The following AGTR1 variants were observed in gnomAD, a reference collection of about 807,000 sequenced individuals.
The protein encoded by AGTR1 is type-1 angiotensin II receptor.
Under a neutral mutation model 19.4 loss-of-function variants are expected in AGTR1, and 16 were observed. That is an observed-to-expected ratio of 0.82 (90% CI 0.56 to 1.25). AGTR1 has a LOEUF of 1.25. AGTR1 is among the 50% of genes most tolerant of loss of function. The pLI, the probability that AGTR1 is intolerant of heterozygous loss-of-function variation, is 0.00. For missense variants in AGTR1, 373 were observed against 431.9 expected (o/e 0.86, Z 1.21); for synonymous variants, 153 against 154.9 (o/e 0.99, Z 0.09).
chr3:148,715,878 T>G (rs1005082504), intron 2 of AGTR1, among the ~76,000 whole-genome samples: 11 of 152,176 alleles, frequency 7.2e-5, no homozygotes, highest in African/African-American at 2.7e-4. Flanking sequence ...CCTGTGACTA[T>G]ATTAATTAAT....
rs550294760 is a variant in AGTR1 at position 148,711,623 on chromosome 3, A to G, written c.-48+3596A>G. ...ACATGTGTACTCCAAATAACCTACT[A>G]TTCACACAATTCTCAGTAACATTCT... On this transcript the variant is annotated intron_variant, in intron 2 of 2. Coordinates refer to ENST00000349243, the MANE Select transcript of AGTR1 (RefSeq NM_000685.5). Among the ~76,000 whole-genome samples, 3 of 152,266 alleles carry G rather than the reference A, an allele frequency of 2.0e-5. No individual in the cohort carries two copies. In the South Asian group the frequency reaches 6.2e-4, roughly 32 times the overall value.
intron 2 of AGTR1, chr3:148,730,085 G>A (rs1246794616): frequency 7.6e-6 from 3 of 393,082 alleles, no homozygotes; most frequent in African/African-American, 2.1e-5. Flanking sequence ...GATCTCATTC[G>A]GTGTTTCCAA....
intron 2 of AGTR1, among the ~76,000 whole-genome samples, chr3:148,723,573 C>T (rs759006755): frequency 6.6e-6 from 1 of 152,166 alleles, no homozygotes; most frequent in African/African-American, 2.4e-5. Context: ...GCAGCAACAG[C>T]TCTAAGAGAT....
At chr3:148,701,296 T>C in intron 1 of AGTR1, among the ~76,000 whole-genome samples, 1 of 152,184 alleles carries the variant, frequency 6.6e-6, no homozygotes, top group South Asian at 2.1e-4. Flanking sequence ...TTTGGAACAG[T>C]CATAAAAGGA....
intron 2 of AGTR1, among the ~76,000 whole-genome samples, chr3:148,727,077 T>G (rs1713991921): frequency 6.6e-6 from 1 of 152,244 alleles, no homozygotes; most frequent in Admixed American, 6.5e-5. Flanking sequence ...TTTCCCAGAA[T>G]TGTTTCTCCT....
chr3:148,699,874 T>C (rs12721246), intron 1 of AGTR1, among the ~76,000 whole-genome samples: 143 of 152,298 alleles, frequency 9.4e-4, no homozygotes, highest in African/African-American at 3.1e-3. Context: ...GGTTCTGCTC[T>C]TCTTTGACCT....
In AGTR1 at chr3:148,741,117, T is replaced by C. The variant is rs749536273; in HGVS notation, c.82T>C (p.Phe28Leu). The change falls in exon 3 of 3, where the codon TTT (phenylalanine) becomes CTT (leucine). Residue 28 changes from phenylalanine to leucine, a missense_variant. By Grantham distance (22) the Phe-to-Leu change is conservative. Transcript: ENST00000349243. ...CAAAGCTGGAAGGCATAATTACATA[T>C]TTGTCATGATTCCTACTTTATACAG... ...CPKAGRHNYI[F>L]VMIPTLYSII... The C allele has an allele frequency of 6.2e-7, 1 of 1,614,172 alleles. No individual in the cohort carries two copies. The highest frequency in any genetic ancestry group is 8.5e-7 in the Non-Finnish European group (1 of 1,180,018).
At position 148,741,453 on chromosome 3, in the gene AGTR1, C is replaced by T. The variant is rs763952495; in HGVS notation, c.418C>T (p.Arg140Cys). 1.5e-5 allele frequency: 24 copies of T among 1,610,816 alleles called. No individual in the cohort carries two copies. The highest frequency in any genetic ancestry group is 1.7e-5 in the Non-Finnish European group (20 of 1,179,912). Reference sequence around the variant, plus strand: ...TCACCCAATGAAGTCCCGCCTTCGACGCACAATGCTTGTAGCCAAAGTCAC... The same window carrying T: ...TCACCCAATGAAGTCCCGCCTTCGATGCACAATGCTTGTAGCCAAAGTCAC... The part of the protein sequence containing the change: ...IVHPMKSRLR[R>C]TMLVAKVTCI... The change falls in exon 3 of 3, where the codon CGC becomes TGC. Residue 140 changes from arginine (R) to cysteine (C), a missense_variant. Physicochemically the swap from Arg to Cys is radical, Grantham distance 180 (BLOSUM62 -3). Coordinates refer to ENST00000349243, the MANE Select transcript of AGTR1 (RefSeq NM_000685.5).
chr3:148,741,570 G>C lies in AGTR1; in HGVS notation c.535G>C (p.Val179Leu), dbSNP rs369560166. 1 of 1,614,046 alleles carries C rather than the reference G, an allele frequency of 6.2e-7. No homozygotes were observed. Among genetic ancestry groups the C allele is most frequent in the Middle Eastern group, 1.6e-4 (1 of 6,062 alleles). The change falls in exon 3 of 3, where the codon GTT becomes CTT. Residue 179 changes from valine to leucine, a missense_variant. Val to Leu is a conservative substitution (Grantham distance 32). Transcript: ENST00000349243. The part of the protein sequence containing the change: ...VFFIENTNIT[V>L]CAFHYESQNS... The stretch of plus-strand genomic sequence containing the variant: ...TTTCATTGAGAACACCAATATTACA[G>C]TTTGTGCTTTCCATTATGAGTCCCA...
At chr3:148,735,837 A>G (rs1714543073) in intron 2 of AGTR1, among the ~76,000 whole-genome samples, 1 of 152,224 alleles carries the variant, frequency 6.6e-6, no homozygotes. Flanking sequence ...GGAACAATAA[A>G]GACAACAGTT....
Position 148,706,916 on chromosome 3 carries a change from T to C in AGTR1, c.-131-1028T>C, listed in dbSNP as rs537746188. 2.0e-5 allele frequency among the ~76,000 whole-genome samples: 3 copies of C among 152,182 alleles called. No homozygotes were observed. In the South Asian group the frequency reaches 6.2e-4, roughly 32 times the overall value. On this transcript the variant is annotated intron_variant, in intron 1 of 2. Transcript: ENST00000349243. ...GAATATCTATCAAAAACTTAGCATA[T>C]ACAAACAATTTGGTTCAACAGTCTG...
At chr3:148,711,392 T>C (rs1265978887) in intron 2 of AGTR1, among the ~76,000 whole-genome samples, 2 of 152,220 alleles carry the variant, frequency 1.3e-5, no homozygotes, top group Non-Finnish European at 2.9e-5. Flanking sequence ...GAAAAAGGGA[T>C]ATAAATATCC....
Position 148,742,177 on chromosome 3 carries a change from G to A in AGTR1, c.*62G>A, listed in dbSNP as rs1714958513. On this transcript the variant is annotated 3_prime_UTR_variant, in exon 3 of 3. Coordinates refer to ENST00000349243, the MANE Select transcript of AGTR1 (RefSeq NM_000685.5). ...AGAAGGAGCAAGAGAACATTCCTCT[G>A]CAGCACTTCACTACCAAATGAGCAT... 6.3e-7 allele frequency: 1 copy of A among 1,591,732 alleles called. No homozygotes were observed. Among genetic ancestry groups the A allele is most frequent in the Admixed American group, 1.7e-5 (1 of 59,968 alleles).
At chr3:148,702,481 C>G (rs917692817) in intron 1 of AGTR1, among the ~76,000 whole-genome samples, 1 of 152,078 alleles carries the variant, frequency 6.6e-6, no homozygotes, top group Non-Finnish European at 1.5e-5. Flanking sequence ...GGATACAAGC[C>G]AAAGTATAAA....
At position 148,705,637 on chromosome 3, in the gene AGTR1, C is replaced by A. The variant is rs73002275; in HGVS notation, c.-131-2307C>A. Among the ~76,000 whole-genome samples the A allele has an allele frequency of 9.7e-3, 1,481 of 152,042 alleles. 31 individuals are homozygous for A. Among genetic ancestry groups the A allele is most frequent in the African/African-American group, 0.034 (1,424 of 41,498 alleles). ...TTTTTGAGAGAACACACAGTTATTCCTATTCCTTTTAATTTCCATTAACTT... is the reference window on the plus strand; with the variant it reads ...TTTTTGAGAGAACACACAGTTATTCATATTCCTTTTAATTTCCATTAACTT... On this transcript the variant is annotated intron_variant, in intron 1 of 2. Coordinates refer to ENST00000349243, the MANE Select transcript of AGTR1 (RefSeq NM_000685.5).
chr3:148,713,630 A>C lies in AGTR1; in HGVS notation c.-48+5603A>C, dbSNP rs1713127722. ...TGATCAATTGAGTATTCCTGTCCTG[A>C]TGTGGAGTCAGTCACATACCCAAGC... On this transcript the variant is annotated intron_variant, in intron 2 of 2. Transcript: ENST00000349243. 2.6e-5 allele frequency among the ~76,000 whole-genome samples: 4 copies of C among 152,090 alleles called. No homozygotes were observed. The South Asian group carries it at 8.3e-4, about 32-fold the overall frequency.
rs537670312 is a variant in AGTR1, at chr3:148,699,589, G to A, written c.-132+1462G>A. Among the ~76,000 whole-genome samples, 389 of 151,530 alleles carry A rather than the reference G, an allele frequency of 2.6e-3. 4 individuals are homozygous for A. The highest frequency in any genetic ancestry group is 9.2e-3 in the African/African-American group (379 of 41,044). ...CTTAACTTGCTGTGTGATAGTAAGA[G>A]CATTATTTCACAACTCTGAACCTCA... On this transcript the variant is annotated intron_variant, in intron 1 of 2. Transcript: ENST00000349243.
intron 1 of AGTR1, among the ~76,000 whole-genome samples, chr3:148,704,508 A>G (rs12721280): frequency 0.015 from 2,214 of 152,314 alleles, 44 homozygotes; most frequent in African/African-American, 0.05. Flanking sequence ...TGTTTTCTAC[A>G]TACACATAGA....
chr3:148,708,158 A>T (rs1322297639), intron 2 of AGTR1, 131 bp downstream of exon 2: 1 of 152,172 alleles, frequency 6.6e-6, no homozygotes, highest in Non-Finnish European at 1.5e-5. Flanking sequence ...AAATAATGAA[A>T]TCCCAGTGTT....
Sources: allele counts gnomAD v4.1 joint callset (sites outside exome capture counted in the v4.1 genomes callset), GRCh38; gene constraint gnomAD v4.1.1; transcripts MANE v1.5; gene names NCBI Gene and HGNC (gene_info 2026-07-23, HGNC 2026-07-21).